WWOX: variants seen among roughly 807,000 people sequenced by gnomAD.
The protein encoded by WWOX is WW domain-containing oxidoreductase.
WWOX carries 69 observed loss-of-function variants against 46.2 expected under a neutral mutation model. The ratio of observed to expected loss-of-function variants is 1.49; its 90% confidence interval spans 1.23 to 1.82. The LOEUF is 1.82. Ranked by LOEUF, WWOX falls within the 40% of genes most tolerant of loss-of-function variation. The pLI is 0.00. For missense variants in WWOX, 919 were observed against 542.6 expected, an observed-to-expected ratio of 1.69 and a Z score of -6.89; for synonymous variants, 359 against 202.6, an observed-to-expected ratio of 1.77 and a Z score of -6.56.
intron 5 of WWOX, among the ~76,000 whole-genome samples, chr16:78,371,193 G>C (rs961616227): frequency 1.3e-5 from 2 of 151,948 alleles, no homozygotes; most frequent in East Asian, 3.9e-4. Context: ...TCATTGTTTT[G>C]CAAATTTTAG....
At chr16:78,372,177 GACA>G (rs1403901556) in intron 5 of WWOX, among the ~76,000 whole-genome samples, 3 of 152,142 alleles carry the variant, frequency 2.0e-5, no homozygotes, top group African/African-American at 7.2e-5. Flanking sequence ...CTCACATCTG[GACA>G]ACAAGTACCT....
At chr16:79,014,434 G>C (rs961047536) in intron 8 of WWOX, among the ~76,000 whole-genome samples, 7 of 152,132 alleles carry the variant, frequency 4.6e-5, no homozygotes, top group African/African-American at 1.4e-4. Context: ...TGTTTTCCTG[G>C]ATCGTCCCTC....
chr16:79,189,944 G>C (rs2051100448), intron 8 of WWOX, among the ~76,000 whole-genome samples: 1 of 143,812 alleles, frequency 7.0e-6, no homozygotes, highest in East Asian at 2.3e-4. Context: ...AGGGGGGGGG[G>C]ATAAAGATAT....
chr16:78,888,178 A>G (rs1049975189), intron 8 of WWOX, among the ~76,000 whole-genome samples: 13 of 152,202 alleles, frequency 8.5e-5, no homozygotes, highest in African/African-American at 2.7e-4. Context: ...CTCCTTAAAG[A>G]TGCTGATTCC....
At chr16:78,710,408 T>G (rs1271647130) in intron 8 of WWOX, among the ~76,000 whole-genome samples, 3 of 145,378 alleles carry the variant, frequency 2.1e-5, no homozygotes, top group African/African-American at 7.7e-5. Context: ...CTATGCAGCA[T>G]TGGCCACACC....
intron 3 of WWOX, among the ~76,000 whole-genome samples, chr16:78,113,502 C>T (rs998182264): frequency 2.6e-5 from 4 of 152,172 alleles, no homozygotes; most frequent in African/African-American, 9.7e-5. Flanking sequence ...ATTTGGCCAG[C>T]TCCTGGTCTA....
At chr16:78,362,377 A>G (rs771979329) in intron 5 of WWOX, among the ~76,000 whole-genome samples, 1 of 152,208 alleles carries the variant, frequency 6.6e-6, no homozygotes, top group South Asian at 2.1e-4. Flanking sequence ...TGGAAGGCCA[A>G]TGCGGGTGGA....
intron 5 of WWOX, among the ~76,000 whole-genome samples, chr16:78,266,802 C>CTCTCTCTCTCTG (rs1487943957): frequency 3.0e-5 from 4 of 133,876 alleles, no homozygotes; most frequent in Non-Finnish European, 6.3e-5. Context: ...CTCTCTCTCT[C>CTCTCTCTCTCTG]TCTCTCTCTC....
intron 8 of WWOX, among the ~76,000 whole-genome samples, chr16:78,636,084 C>G (rs1173449380): frequency 1.3e-5 from 2 of 152,138 alleles, no homozygotes; most frequent in Non-Finnish European, 2.9e-5. Context: ...CATCTGCACT[C>G]TAGTAGTGAT....
At chr16:78,415,903 G>T (rs911631463) in intron 6 of WWOX, among the ~76,000 whole-genome samples, 7 of 152,200 alleles carry the variant, frequency 4.6e-5, no homozygotes, top group African/African-American at 1.7e-4. Flanking sequence ...GGGGTTGCTG[G>T]TTTGTAAATA....
intron 8 of WWOX, among the ~76,000 whole-genome samples, chr16:79,111,604 T>C (rs1359399416): frequency 6.6e-6 from 1 of 151,970 alleles, no homozygotes; most frequent in Admixed American, 6.6e-5. Flanking sequence ...AAAATAAAAA[T>C]AGAAAAGAGC....
intron 8 of WWOX, among the ~76,000 whole-genome samples, chr16:78,888,413 C>T (rs1008519572): frequency 6.6e-6 from 1 of 152,186 alleles, no homozygotes; most frequent in African/African-American, 2.4e-5. Context: ...GGTGTTACTC[C>T]TATTCTTTTT....
intron 8 of WWOX, among the ~76,000 whole-genome samples, chr16:78,526,835 G>T (rs1044561260): frequency 1.3e-5 from 2 of 152,210 alleles, no homozygotes; most frequent in African/African-American, 2.4e-5. Flanking sequence ...GGGTCTGGGA[G>T]GGAGGAGCCA....
intron 8 of WWOX, among the ~76,000 whole-genome samples, chr16:79,144,950 G>A (rs545525874): frequency 1.3e-5 from 2 of 152,138 alleles, no homozygotes; most frequent in South Asian, 2.1e-4. Flanking sequence ...TGAAATATAT[G>A]TAGGGTTTGG....
intron 8 of WWOX, among the ~76,000 whole-genome samples, chr16:78,868,055 T>A (rs1236939537): frequency 6.6e-6 from 1 of 152,128 alleles, no homozygotes; most frequent in Non-Finnish European, 1.5e-5. Flanking sequence ...AGAAAATAAA[T>A]GCTTATACAA....
intron 8 of WWOX, among the ~76,000 whole-genome samples, chr16:78,543,642 A>G (rs529102319): frequency 1.4e-4 from 22 of 152,324 alleles, no homozygotes; most frequent in Middle Eastern, 3.4e-3. Context: ...GCACTTCTCA[A>G]TATTAAACCC....
At chr16:78,857,778 C>T (rs1049015637) in intron 8 of WWOX, among the ~76,000 whole-genome samples, 6 of 152,100 alleles carry the variant, frequency 3.9e-5, no homozygotes, top group Non-Finnish European at 8.8e-5. Context: ...TTTTCCTTTA[C>T]AGGAGAAAAG....
intron 8 of WWOX, among the ~76,000 whole-genome samples, chr16:78,575,017 ATATAAATATATATATATATATATATAT>A (rs2044821371): frequency 7.7e-5 from 1 of 13,056 alleles, no homozygotes; most frequent in African/African-American, 5.4e-4. Flanking sequence ...ATATATATAT[ATATAAATATATATATATATATATATAT>A]ATATATATAT....
At chr16:78,625,367 C>G (rs890645092) in intron 8 of WWOX, among the ~76,000 whole-genome samples, 19 of 152,140 alleles carry the variant, frequency 1.2e-4, no homozygotes, top group Admixed American at 1.2e-3. Flanking sequence ...TAACTGGATC[C>G]CTGAAATTCA....
Sources: gnomAD v4.1 joint callset for allele counts (sites outside exome capture counted in the v4.1 genomes callset) on GRCh38, gnomAD v4.1.1 for gene constraint, MANE v1.5 for transcripts, NCBI Gene and HGNC (gene_info 2026-07-23, HGNC 2026-07-21) for gene names.